The following DDX59 variants were observed in gnomAD, a reference collection of about 807,000 sequenced individuals.
DDX59 encodes DEAD-box helicase 59.
Under a neutral mutation model 51.9 loss-of-function variants are expected in DDX59, and 30 were observed. The observed-to-expected ratio is 0.58, with a 90% CI of 0.43 to 0.78. The LOEUF is 0.78. DDX59 is among the 30% of genes least tolerant of loss of function. DDX59 has a pLI of 0.00. For missense variants in DDX59, 672 were observed against 730.8 expected, an observed-to-expected ratio of 0.92 and a Z score of 0.93; for synonymous variants, 255 against 253.3, an observed-to-expected ratio of 1.01 and a Z score of -0.06.
Position 200,666,724 on chromosome 1 carries a change from G to A in DDX59, c.17C>T (p.Ser6Phe), listed in dbSNP as rs753497178. 1 of 1,610,884 alleles carries A rather than the reference G, an allele frequency of 6.2e-7. No homozygotes were observed. Among genetic ancestry groups the A allele is most frequent in the Non-Finnish European group, 8.5e-7 (1 of 1,177,588 alleles). The change falls in exon 2 of 8, where the codon TCT becomes TTT. Residue 6 changes from serine to phenylalanine, a missense_variant. Transcript: ENST00000331314. ...ATTAGCATTCCTCTTGATTTTTAGA[G>A]ATCTTGGAACAAACATCCTTCAATA... The part of the protein sequence containing the change: MFVPR[S>F]LKIKRNANDD...
intron 2 of DDX59, among the ~76,000 whole-genome samples, chr1:200,664,976 T>C (rs1029175642): frequency 6.6e-6 from 1 of 152,270 alleles, no homozygotes; most frequent in East Asian, 1.9e-4. Context: ...TGCCCCGCCT[T>C]CCCCACATTT....
chr1:200,658,964 A>T, intron 4 of DDX59, 63 bp downstream of exon 4: 1 of 1,359,282 alleles, frequency 7.4e-7, no homozygotes, highest in Non-Finnish European at 1.0e-6. Context: ...ATGAAATTAT[A>T]TAACTATACT....
intron 3 of DDX59, among the ~76,000 whole-genome samples, chr1:200,663,553 T>C (rs1408058317): frequency 6.6e-6 from 1 of 152,212 alleles, no homozygotes; most frequent in East Asian, 1.9e-4. Context: ...TTTTGGCAAC[T>C]ATTATTTATT....
downstream of DDX59, chr1:200,641,125 T>TACCA (rs1397735611): frequency 9.4e-6 from 12 of 1,283,128 alleles, no homozygotes; most frequent in African/African-American, 1.1e-4. Context: ...GGATGACACG[T>TACCA]TACCTCTTGT....
At chr1:200,662,874 T>A (rs1367100582) in intron 3 of DDX59, among the ~76,000 whole-genome samples, 2 of 152,234 alleles carry the variant, frequency 1.3e-5, no homozygotes, top group Non-Finnish European at 2.9e-5. Context: ...TTTATAAATA[T>A]ATACTGCTGA....
At chr1:200,657,147 G>C (rs1469364101) in intron 4 of DDX59, among the ~76,000 whole-genome samples, 1 of 151,642 alleles carries the variant, frequency 6.6e-6, no homozygotes, top group African/African-American at 2.4e-5. Context: ...CTACTTGGGA[G>C]GCTGAGGCAC....
intron 3 of DDX59, among the ~76,000 whole-genome samples, chr1:200,661,266 G>C (rs1662356191): frequency 6.6e-6 from 1 of 152,078 alleles, no homozygotes; most frequent in Non-Finnish European, 1.5e-5. Context: ...TTGAATAACA[G>C]GAAGCTGTGA....
intron 2 of DDX59, 123 bp from the exon 3 acceptor site, chr1:200,664,209 C>A: frequency 2.9e-6 from 3 of 1,032,100 alleles, no homozygotes; most frequent in Non-Finnish European, 4.1e-6. Context: ...GGGTATGAGT[C>A]CTCCTGCCTT....
At chr1:200,658,961 T>G in intron 4 of DDX59, 66 bp downstream of exon 4, 1 of 1,347,228 alleles carries the variant, frequency 7.4e-7, no homozygotes, top group Non-Finnish European at 1.0e-6. Flanking sequence ...ACAATGAAAT[T>G]ATATAACTAT....
chr1:200,659,191 G>T, intron 3 of DDX59, 75 bp from the exon 4 acceptor site: 1 of 1,130,816 alleles, frequency 8.8e-7, no homozygotes, highest in Non-Finnish European at 1.3e-6. Context: ...TATTGATTGA[G>T]CAACTAATAT....
At chr1:200,668,240 G>A (rs1214534726) in intron 1 of DDX59, among the ~76,000 whole-genome samples, 1 of 151,896 alleles carries the variant, frequency 6.6e-6, no homozygotes, top group East Asian at 1.9e-4. Context: ...CCCGGGAAGC[G>A]GAGCTTGCAG....
intron 5 of DDX59, 53 bp from the exon 6 acceptor site, chr1:200,649,279 TG>T: frequency 6.9e-7 from 1 of 1,449,324 alleles, no homozygotes. Context: ...TAATTTACAA[TG>T]GGAAGTTTTT....
downstream of DDX59, chr1:200,641,228 G>T: frequency 7.7e-7 from 1 of 1,304,634 alleles, no homozygotes; most frequent in Non-Finnish European, 1.0e-6. Flanking sequence ...ATTAATTCCA[G>T]AGAAGGGCAC....
intron 5 of DDX59, 109 bp from the exon 6 acceptor site, chr1:200,649,335 T>C: frequency 2.6e-6 from 3 of 1,151,182 alleles, no homozygotes; most frequent in Non-Finnish European, 3.6e-6. Context: ...TTATAAATAT[T>C]GTTAAGAAGG....
chr1:200,665,950 C>G lies in DDX59; in HGVS notation c.791G>C (p.Arg264Pro). Reference protein sequence around the residue: ...TAAFLLPVIMRALFESKTPSA... With the variant: ...TAAFLLPVIMPALFESKTPSA... Reference sequence around the variant, plus strand: ...ATTAACACTTACCTCGAATAAAGCTCGCATGATAACAGGAAGAAGAAAAGC... The same window carrying G: ...ATTAACACTTACCTCGAATAAAGCTGGCATGATAACAGGAAGAAGAAAAGC... Residue 264 changes from arginine (R) to proline (P), a missense_variant, in exon 2 of 8, where the codon CGA becomes CCA. Transcript: ENST00000331314. 1 of 1,605,386 alleles carries G rather than the reference C, an allele frequency of 6.2e-7. No individual in the cohort carries two copies. Among genetic ancestry groups the G allele is most frequent in the Non-Finnish European group, 8.5e-7 (1 of 1,175,808 alleles).
At chr1:200,664,183 T>G (rs1662564034) in intron 2 of DDX59, 97 bp from the exon 3 acceptor site, 1 of 1,373,810 alleles carries the variant, frequency 7.3e-7, no homozygotes, top group African/African-American at 1.5e-5. Flanking sequence ...ATGGCCCCTT[T>G]AAAGTGTTCC....
At chr1:200,646,691 G>C (rs563029437) in intron 7 of DDX59, among the ~76,000 whole-genome samples, 1 of 152,286 alleles carries the variant, frequency 6.6e-6, no homozygotes, top group Non-Finnish European at 1.5e-5. Context: ...AAAACAATCT[G>C]GCAGTTCCTC....
At chr1:200,651,875 G>A (rs773984797) in intron 4 of DDX59, among the ~76,000 whole-genome samples, 38 of 152,136 alleles carry the variant, frequency 2.5e-4, no homozygotes, top group Non-Finnish European at 5.3e-4. Flanking sequence ...GGGCATGGTG[G>A]CGGGTGCCTA....
intron 2 of DDX59, 98 bp downstream of exon 2, chr1:200,665,833 ATTTAGT>A (rs1364914964): frequency 1.6e-6 from 2 of 1,258,034 alleles, no homozygotes; most frequent in Admixed American, 2.9e-5. Context: ...AATTCCAAAT[ATTTAGT>A]TTTAGTCTGC....
Sources: gnomAD v4.1 joint callset for allele counts (sites outside exome capture counted in the v4.1 genomes callset) on GRCh38, gnomAD v4.1.1 for gene constraint, MANE v1.5 for transcripts, NCBI Gene and HGNC (gene_info 2026-07-23, HGNC 2026-07-21) for gene names.